The following PITPNC1 variants were observed in gnomAD, a reference collection of about 807,000 sequenced individuals.
PITPNC1 encodes the protein phosphatidylinositol transfer protein cytoplasmic 1.
A neutral mutation model predicts 44.7 loss-of-function variants in PITPNC1; 18 were observed. The ratio of observed to expected loss-of-function variants is 0.40; its 90% CI spans 0.28 to 0.60. The LOEUF (loss-of-function observed/expected upper bound fraction) is 0.60, where lower values mean the gene tolerates loss of function less well. PITPNC1 is among the 20% of genes least tolerant of loss of function. The pLI is 0.39. For synonymous variants in PITPNC1, 141 were observed against 149.6 expected, an observed-to-expected ratio of 0.94 and a Z score of 0.42; for missense variants, 290 against 418.4, an observed-to-expected ratio of 0.69 and a Z score of 2.68.
intron 1 of PITPNC1, among the ~76,000 whole-genome samples, chr17:67,394,327 C>A (rs2038184007): frequency 6.6e-6 from 1 of 152,040 alleles, no homozygotes; most frequent in Non-Finnish European, 1.5e-5. Context: ...CCAAGCCTGG[C>A]CTTCTTTAAC....
intron 1 of PITPNC1, among the ~76,000 whole-genome samples, chr17:67,500,062 A>T (rs188556279): frequency 1.3e-5 from 2 of 152,302 alleles, no homozygotes; most frequent in East Asian, 1.9e-4. Context: ...CAGAGGATTT[A>T]GTTTGCTTGT....
chr17:67,692,931 GT>G lies in PITPNC1; in HGVS notation c.*45del, dbSNP rs1270640225. ...ATGGGGTTTTATATTTTCATTTGTT[GT>G]TGTTGTTTTTTTTTAAGAATCTTCT... is the stretch of plus-strand genomic sequence containing the variant. On this transcript the variant is annotated 3_prime_UTR_variant, in exon 9 of 9. Transcript: ENST00000581322. 1 of 1,265,906 alleles carries G rather than the reference GT, an allele frequency of 7.9e-7. No individual in the cohort carries two copies. The highest frequency in any genetic ancestry group is 1.1e-6 in the Non-Finnish European group (1 of 901,438). 78.4% of individuals were successfully genotyped at this position (1,265,906 alleles called of 1,614,324 possible). A position where few individuals can be genotyped will look rare whatever the true frequency, so the allele number is the denominator to read the frequency against.
In PITPNC1 at chr17:67,612,672, CGG is replaced by C. The variant is rs2041702835; in HGVS notation, c.367-19470_367-19469del. 6 of 147,352 alleles carry C rather than the reference CGG, an allele frequency of 4.1e-5. No homozygotes were observed. In the East Asian group the frequency reaches 1.2e-3, roughly 30 times the overall value. The allele number at this position is 147,352 out of a possible 1,614,324, so 9.1% of individuals were successfully genotyped here. ...GGGTGTGGCTGGGTGGATGGATGGG[CGG>C]ATGGATGGATGGATGGATGGATGGA... On this transcript the variant is annotated intron_variant, in intron 5 of 8. Transcript: ENST00000581322.
At chr17:67,641,853 T>C (rs906231655) in intron 6 of PITPNC1, among the ~76,000 whole-genome samples, 1 of 151,400 alleles carries the variant, frequency 6.6e-6, no homozygotes, top group African/African-American at 2.4e-5. Context: ...CATGTGTACA[T>C]CATTCTCCAT....
intron 1 of PITPNC1, among the ~76,000 whole-genome samples, chr17:67,507,618 A>G (rs1467678299): frequency 4.6e-5 from 6 of 129,204 alleles, no homozygotes; most frequent in Admixed American, 3.8e-4. Flanking sequence ...CAGGAGATGG[A>G]GGTTTCAGTG....
intron 5 of PITPNC1, among the ~76,000 whole-genome samples, chr17:67,581,892 G>C (rs1207080387): frequency 6.6e-6 from 1 of 152,160 alleles, no homozygotes. Context: ...AATTAGCTGG[G>C]CATGGTGGCG....
intron 6 of PITPNC1, among the ~76,000 whole-genome samples, chr17:67,649,092 T>G (rs568276569): frequency 6.6e-6 from 1 of 152,302 alleles, no homozygotes; most frequent in South Asian, 2.1e-4. Context: ...AGTTCAAGGC[T>G]GCAGTGAGCC....
intron 5 of PITPNC1, among the ~76,000 whole-genome samples, chr17:67,609,317 T>C (rs1480122436): frequency 7.3e-6 from 1 of 137,222 alleles, no homozygotes; most frequent in African/African-American, 2.8e-5. Context: ...TGAGACAGAG[T>C]CTCACTCTTG....
chr17:67,548,843 G>A (rs1468358253), intron 2 of PITPNC1, among the ~76,000 whole-genome samples: 1 of 152,130 alleles, frequency 6.6e-6, no homozygotes, highest in Non-Finnish European at 1.5e-5. Context: ...CACTTAGAGT[G>A]AGCATGAGTG....
intron 1 of PITPNC1, among the ~76,000 whole-genome samples, chr17:67,419,844 T>G (rs1011399941): frequency 1.3e-5 from 2 of 150,558 alleles, no homozygotes; most frequent in African/African-American, 5.0e-5. Flanking sequence ...AGGTGGAAGT[T>G]GCAGTGAGCC....
chr17:67,575,698 T>G (rs116579755), intron 4 of PITPNC1, among the ~76,000 whole-genome samples: 2,124 of 152,254 alleles, frequency 0.014, 58 homozygotes, highest in African/African-American at 0.049. Flanking sequence ...ACTGGAGGGC[T>G]TGGTAAACAG....
intron 5 of PITPNC1, among the ~76,000 whole-genome samples, chr17:67,628,174 A>T (rs1354379195): frequency 6.6e-6 from 1 of 151,984 alleles, no homozygotes; most frequent in African/African-American, 2.4e-5. Context: ...AAGTGCTGGG[A>T]TTACAGGTGT....
chr17:67,461,332 C>T (rs1847871493), intron 1 of PITPNC1, among the ~76,000 whole-genome samples: 1 of 152,190 alleles, frequency 6.6e-6, no homozygotes, highest in African/African-American at 2.4e-5. Context: ...TAATAGGTCC[C>T]CATAGAATAG....
At chr17:67,490,025 C>T (rs1034265277) in intron 1 of PITPNC1, among the ~76,000 whole-genome samples, 1 of 152,160 alleles carries the variant, frequency 6.6e-6, no homozygotes, top group Non-Finnish European at 1.5e-5. Context: ...GCGTGAGCCA[C>T]CACACCCAGC....
At chr17:67,628,844 G>A (rs1005558562) in intron 5 of PITPNC1, among the ~76,000 whole-genome samples, 1 of 152,158 alleles carries the variant, frequency 6.6e-6, no homozygotes, top group Non-Finnish European at 1.5e-5. Context: ...GGCAGAGCAT[G>A]ACCGAAAGTC....
chr17:67,391,491 T>C (rs1023145363), intron 1 of PITPNC1, among the ~76,000 whole-genome samples: 16 of 152,112 alleles, frequency 1.1e-4, no homozygotes, highest in Non-Finnish European at 2.1e-4. Context: ...ATTTATTTAT[T>C]TATTTTTGAG....
At chr17:67,382,142 TA>T (rs921470333) in intron 1 of PITPNC1, among the ~76,000 whole-genome samples, 14 of 152,286 alleles carry the variant, frequency 9.2e-5, no homozygotes, top group African/African-American at 3.4e-4. Flanking sequence ...TGAAAACAGA[TA>T]AAGTCAGCAC....
intron 8 of PITPNC1, among the ~76,000 whole-genome samples, chr17:67,685,856 G>T (rs1276712717): frequency 1.3e-5 from 2 of 151,660 alleles, no homozygotes; most frequent in Non-Finnish European, 2.9e-5. Context: ...TTTGAGACAG[G>T]GTCTCACTCT....
chr17:67,575,819 T>TTTCCTTCCTTCC lies in PITPNC1; in HGVS notation c.295-2355_295-2344dup, dbSNP rs1173397726. Among the ~76,000 whole-genome samples, 333 of 108,516 alleles carry TTTCCTTCCTTCC rather than the reference T, an allele frequency of 3.1e-3. 3 individuals carry two copies. Among genetic ancestry groups the TTTCCTTCCTTCC allele is most frequent in the African/African-American group, 0.012 (321 of 27,806 alleles). 71.2% of individuals were successfully genotyped at this position (108,516 alleles called of 152,430 possible). A position where few individuals can be genotyped will look rare whatever the true frequency, so the allele number is the denominator to read the frequency against. On this transcript the variant is annotated intron_variant, in intron 4 of 8. Transcript: ENST00000581322. Reference sequence around the variant, plus strand: ...CCTTCTTTCTTTCTTTCTTTCTTTCTTTCCTTCCTTCCTTCCTTCCTTCTT... The same window carrying TTTCCTTCCTTCC: ...CCTTCTTTCTTTCTTTCTTTCTTTCTTTCCTTCCTTCCTTCCTTCCTTCCTTCCTTCCTTCTT...
Sources: allele counts gnomAD v4.1 joint callset (sites outside exome capture counted in the v4.1 genomes callset), GRCh38; gene constraint gnomAD v4.1.1; transcripts MANE v1.5; gene names NCBI Gene and HGNC (gene_info 2026-07-23, HGNC 2026-07-21).